Variants in ASTN2 observed in about 807,000 individuals in gnomAD.
ASTN2 encodes astrotactin-2.
ASTN2 carries 54 observed loss-of-function variants against 139.8 expected under a neutral mutation model. That is an observed-to-expected ratio of 0.39 (90% confidence interval 0.31 to 0.48). The LOEUF (loss-of-function observed/expected upper bound fraction) is 0.48. Among genes scored for constraint, ASTN2 ranks in the 20% least tolerant of loss-of-function variants. The pLI is 0.95. For missense variants in ASTN2, 1,565 were observed against 1,725.1 expected, an observed-to-expected ratio of 0.91 and a Z score of 1.64; for synonymous variants, 756 against 719.5, an observed-to-expected ratio of 1.05 and a Z score of -0.81.
At chr9:117,296,114 CT>C (rs1195789607) in intron 1 of ASTN2, among the ~76,000 whole-genome samples, 1 of 151,554 alleles carries the variant, frequency 6.6e-6, no homozygotes, top group Non-Finnish European at 1.5e-5. Flanking sequence ...CCCGCCTCTA[CT>C]AAAAATACAA....
intron 3 of ASTN2, among the ~76,000 whole-genome samples, chr9:117,146,210 T>C (rs1830191526): frequency 6.6e-6 from 1 of 152,124 alleles, no homozygotes; most frequent in South Asian, 2.1e-4. Flanking sequence ...TACCTCCTGG[T>C]ACCCGCTGAG....
chr9:117,071,694 T>G (rs1039427079), intron 5 of ASTN2, among the ~76,000 whole-genome samples: 1 of 148,562 alleles, frequency 6.7e-6, no homozygotes, highest in Admixed American at 6.7e-5. Flanking sequence ...CTGAGCCAGG[T>G]GTGGGATATA....
intron 1 of ASTN2, among the ~76,000 whole-genome samples, chr9:117,309,961 C>T (rs1299641297): frequency 6.6e-6 from 1 of 152,128 alleles, no homozygotes; most frequent in Non-Finnish European, 1.5e-5. Flanking sequence ...GCACTGGGCC[C>T]TGCAAATTAT....
intron 1 of ASTN2, among the ~76,000 whole-genome samples, chr9:117,344,326 G>A (rs1037544900): frequency 9.9e-5 from 15 of 152,106 alleles, no homozygotes; most frequent in African/African-American, 2.9e-4. Flanking sequence ...CTAGGATGCC[G>A]GGCACCAGGG....
At chr9:116,824,475 C>A (rs1296056012) in intron 11 of ASTN2, among the ~76,000 whole-genome samples, 1 of 152,182 alleles carries the variant, frequency 6.6e-6, no homozygotes, top group Non-Finnish European at 1.5e-5. Flanking sequence ...GGAAGTAACA[C>A]CTCTGGCCAA....
At chr9:117,074,989 A>C (rs1828240666) in intron 5 of ASTN2, among the ~76,000 whole-genome samples, 2 of 152,152 alleles carry the variant, frequency 1.3e-5, no homozygotes, top group South Asian at 4.1e-4. Flanking sequence ...TAAATGCTAT[A>C]CTACACCTCA....
chr9:117,404,577 A>G (rs1453611567), intron 1 of ASTN2, among the ~76,000 whole-genome samples: 1 of 152,220 alleles, frequency 6.6e-6, no homozygotes, highest in Non-Finnish European at 1.5e-5. Context: ...TGTATAATAT[A>G]GATCCCACAT....
At position 116,680,063 on chromosome 9, in the gene ASTN2, C is replaced by CA. The variant is rs529338957; in HGVS notation, c.2807-28271dup. ...GGAAATAGAGACACAAAAAACCCTTCAAAAAATTAATGAATCCAGGAGCTG... is the reference window on the plus strand; with the variant it reads ...GGAAATAGAGACACAAAAAACCCTTCAAAAAAATTAATGAATCCAGGAGCTG... On this transcript the variant is annotated intron_variant, in intron 16 of 22. Coordinates refer to ENST00000313400, the MANE Select transcript of ASTN2 (RefSeq NM_001365068.1). Among the ~76,000 whole-genome samples the CA allele has an allele frequency of 2.7e-3, 405 of 152,048 alleles. 3 individuals are homozygous for CA. Among genetic ancestry groups the CA allele is most frequent in the Middle Eastern group, 6.8e-3 (2 of 294 alleles).
chr9:117,209,778 A>G (rs1453785241), intron 3 of ASTN2, among the ~76,000 whole-genome samples: 1 of 152,186 alleles, frequency 6.6e-6, no homozygotes, highest in East Asian at 1.9e-4. Context: ...CACATGGGAC[A>G]TTCTCCAGGA....
chr9:116,733,341 T>C, intron 14 of ASTN2, 58 bp downstream of exon 14: 1 of 1,601,740 alleles, frequency 6.2e-7, no homozygotes, highest in Non-Finnish European at 8.5e-7. Context: ...ATGCACTAGG[T>C]GTGGAGACTC....
chr9:116,586,829 CAT>C (rs1491254232), intron 19 of ASTN2, among the ~76,000 whole-genome samples: 1,376 of 80,858 alleles, frequency 0.017, 21 homozygotes, highest in African/African-American at 0.036. Context: ...CACACACATA[CAT>C]ACACACACAC....
At chr9:116,805,109 A>AGTGTGTGTGTGTGTGTGTGTGT (rs10681699) in intron 13 of ASTN2, among the ~76,000 whole-genome samples, 4 of 143,022 alleles carry the variant, frequency 2.8e-5, no homozygotes, top group African/African-American at 1.0e-4. Context: ...GGATTTGGGG[A>AGTGTGTGTGTGTGTGTGTGTGT]GTGTGTGTGT....
chr9:117,330,976 C>T (rs1828689136), intron 1 of ASTN2, among the ~76,000 whole-genome samples: 1 of 152,164 alleles, frequency 6.6e-6, no homozygotes, highest in Non-Finnish European at 1.5e-5. Context: ...CACAACATAG[C>T]AACAGGCAGA....
chr9:116,921,586 T>TAAAA (rs11371651), intron 10 of ASTN2, among the ~76,000 whole-genome samples: 1 of 112,932 alleles, frequency 8.9e-6, no homozygotes, highest in African/African-American at 3.6e-5. Context: ...AGACTCCGTC[T>TAAAA]AAAAAAAAAA....
At chr9:116,983,961 G>T (rs1366230751) in intron 7 of ASTN2, among the ~76,000 whole-genome samples, 2 of 152,172 alleles carry the variant, frequency 1.3e-5, no homozygotes, top group African/African-American at 4.8e-5. Context: ...ACTTATAGTT[G>T]TGGACAATAA....
intron 19 of ASTN2, among the ~76,000 whole-genome samples, chr9:116,586,769 C>T (rs1228045884): frequency 2.7e-5 from 4 of 147,162 alleles, no homozygotes; most frequent in Non-Finnish European, 6.0e-5. Flanking sequence ...TAAACCTGAA[C>T]ATGTACCCCT....
intron 10 of ASTN2, among the ~76,000 whole-genome samples, chr9:116,901,348 C>T (rs1564331270): frequency 1.3e-5 from 2 of 151,906 alleles, no homozygotes; most frequent in East Asian, 1.9e-4. Flanking sequence ...CTTATTGCTA[C>T]AGAAAAAAAA....
rs1348382240 is a variant in ASTN2, at chr9:116,998,569, C to CCATCCATCCATCCATA, written c.1591+9522_1591+9523insTATGGATGGATGGATG. On this transcript the variant is annotated intron_variant, in intron 7 of 22. Coordinates refer to ENST00000313400, the MANE Select transcript of ASTN2 (RefSeq NM_001365068.1). ...GATTTTCATCCATCCATCCATCCAT[C>CCATCCATCCATCCATA]CATACATCCATCCATACATCCATGC... 8.2e-4 allele frequency among the ~76,000 whole-genome samples: 122 copies of CCATCCATCCATCCATA among 148,404 alleles called. 1 individual carries two copies. The highest frequency in any genetic ancestry group is 2.9e-3 in the African/African-American group (117 of 40,732).
chr9:116,481,368 C>G (rs866092936), intron 20 of ASTN2, among the ~76,000 whole-genome samples: 88 of 152,180 alleles, frequency 5.8e-4, no homozygotes, highest in African/African-American at 2.0e-3. Flanking sequence ...AGTGACAGAG[C>G]CAGACTCTGT....
Sources: gnomAD v4.1 joint callset for allele counts (sites outside exome capture counted in the v4.1 genomes callset) on GRCh38, gnomAD v4.1.1 for gene constraint, MANE v1.5 for transcripts, NCBI Gene and HGNC (gene_info 2026-07-23, HGNC 2026-07-21) for gene names.